The following DPY19L1 variants were observed in gnomAD, a reference collection of about 807,000 sequenced individuals.
DPY19L1 encodes protein C-mannosyl-transferase DPY19L1.
DPY19L1 carries 35 observed loss-of-function variants against 96.9 expected under a neutral mutation model. The observed-to-expected ratio is 0.36, with a 90% confidence interval of 0.28 to 0.48. The LOEUF (loss-of-function observed/expected upper bound fraction) is 0.48. Ranked by LOEUF, DPY19L1 falls within the 20% of genes least tolerant of loss-of-function variation. DPY19L1 has a pLI of 0.99. For missense variants in DPY19L1, 521 were observed against 777.9 expected, an observed-to-expected ratio of 0.67 and a Z score of 3.93; for synonymous variants, 205 against 252.6, an observed-to-expected ratio of 0.81 and a Z score of 1.79.
intron 7 of DPY19L1, among the ~76,000 whole-genome samples, chr7:34,983,908 C>T (rs1179853487): frequency 6.6e-6 from 1 of 152,062 alleles, no homozygotes; most frequent in Admixed American, 6.6e-5. Context: ...GGTTTACCAC[C>T]ATCAAACCAA....
intron 1 of DPY19L1, 135 bp downstream of exon 1, chr7:35,036,962 C>T: frequency 7.0e-6 from 1 of 143,646 alleles, no homozygotes; most frequent in African/African-American, 2.6e-5. Context: ...GGGCTGCAAA[C>T]TGGCTGGTCC....
intron 21 of DPY19L1, among the ~76,000 whole-genome samples, chr7:34,936,387 T>C (rs537080466): frequency 1.3e-4 from 20 of 152,284 alleles, no homozygotes; most frequent in African/African-American, 4.6e-4. Context: ...GAATATGAAC[T>C]CTCAAAGGCT....
intron 7 of DPY19L1, among the ~76,000 whole-genome samples, chr7:34,986,034 T>C (rs565586658): frequency 5.1e-4 from 77 of 151,984 alleles, no homozygotes; most frequent in Non-Finnish European, 1.0e-3. Flanking sequence ...AGAGATACTA[T>C]GCTAAGTGAA....
intron 10 of DPY19L1, among the ~76,000 whole-genome samples, chr7:34,962,587 T>G (rs1453669288): frequency 6.6e-6 from 1 of 152,092 alleles, no homozygotes; most frequent in East Asian, 1.9e-4. Context: ...ATCCTAGCAC[T>G]TTGGGAGGCC....
chr7:35,014,297 G>A (rs1785787009), intron 3 of DPY19L1, among the ~76,000 whole-genome samples: 3 of 152,146 alleles, frequency 2.0e-5, no homozygotes, highest in Admixed American at 2.0e-4. Context: ...CTGTGCGACT[G>A]GGGATAAGGG....
intron 10 of DPY19L1, among the ~76,000 whole-genome samples, chr7:34,959,510 T>C (rs190575512): frequency 7.2e-5 from 11 of 152,260 alleles, no homozygotes; most frequent in African/African-American, 2.6e-4. Context: ...GTGGCACATA[T>C]ACACCATGGA....
chr7:35,008,850 G>A (rs1442766395), intron 6 of DPY19L1, among the ~76,000 whole-genome samples: 2 of 152,186 alleles, frequency 1.3e-5, no homozygotes, highest in Non-Finnish European at 2.9e-5. Context: ...TCAGCAAAAT[G>A]AATAGACACC....
rs201704077 is a variant in DPY19L1, at chr7:35,030,086, AAAC to A, written c.298+7008_298+7010del. ...TGAGAAATAAGGTCTCATTTTCAAA[AAAC>A]AACAACAACTTTTTAAACTTAGCGG... On this transcript the variant is annotated intron_variant, in intron 1 of 21. Transcript: ENST00000638088. 3.2e-3 allele frequency among the ~76,000 whole-genome samples: 490 copies of A among 152,364 alleles called. 3 individuals carry two copies. The highest frequency in any genetic ancestry group is 0.011 in the African/African-American group (473 of 41,596).
chr7:34,994,890 A>C (rs1011124448), intron 6 of DPY19L1, among the ~76,000 whole-genome samples: 1 of 152,058 alleles, frequency 6.6e-6, no homozygotes, highest in African/African-American at 2.4e-5. Context: ...GTTGCCATAC[A>C]ACCTGGGAGG....
intron 6 of DPY19L1, among the ~76,000 whole-genome samples, chr7:34,993,404 ACT>A (rs1785214072): frequency 1.3e-5 from 2 of 151,210 alleles, no homozygotes; most frequent in Non-Finnish European, 2.9e-5. Flanking sequence ...ACAATGCTAG[ACT>A]CTGTTCTATT....
chr7:34,948,057 G>A (rs1054067013), intron 14 of DPY19L1, among the ~76,000 whole-genome samples: 3 of 151,858 alleles, frequency 2.0e-5, no homozygotes, highest in Non-Finnish European at 4.4e-5. Context: ...ATATTTTGTG[G>A]GGGATAAAAA....
At chr7:35,013,500 A>C in intron 4 of DPY19L1, 68 bp downstream of exon 4, 1 of 1,224,270 alleles carries the variant, frequency 8.2e-7, no homozygotes, top group East Asian at 2.4e-5. Flanking sequence ...TCTTAGATTT[A>C]GAATCAGCGT....
At chr7:35,026,962 C>T (rs1020073029) in intron 1 of DPY19L1, among the ~76,000 whole-genome samples, 9 of 151,988 alleles carry the variant, frequency 5.9e-5, no homozygotes, top group Admixed American at 2.6e-4. Context: ...TTTGGGAGGC[C>T]GAGGCAGGTG....
At chr7:34,964,983 C>A (rs1002059313) in intron 10 of DPY19L1, among the ~76,000 whole-genome samples, 2 of 152,250 alleles carry the variant, frequency 1.3e-5, no homozygotes, top group African/African-American at 2.4e-5. Flanking sequence ...TACCATTTTA[C>A]ACGAACCAGA....
intron 1 of DPY19L1, among the ~76,000 whole-genome samples, chr7:35,027,996 C>T (rs1193080257): frequency 6.6e-6 from 1 of 152,164 alleles, no homozygotes; most frequent in East Asian, 1.9e-4. Flanking sequence ...CAAAACTGTG[C>T]TTTCCAACAG....
intron 6 of DPY19L1, among the ~76,000 whole-genome samples, chr7:35,008,806 G>A (rs1785630809): frequency 6.6e-6 from 1 of 152,150 alleles, no homozygotes; most frequent in African/African-American, 2.4e-5. Flanking sequence ...TCTCCCAAAT[G>A]TAATAAAGCT....
At chr7:34,946,589 A>G (rs1160048265) in intron 15 of DPY19L1, among the ~76,000 whole-genome samples, 2 of 152,188 alleles carry the variant, frequency 1.3e-5, no homozygotes, top group African/African-American at 4.8e-5. Context: ...AAACCCACAT[A>G]AACTATACAA....
intron 1 of DPY19L1, among the ~76,000 whole-genome samples, chr7:35,024,747 A>G (rs1786082251): frequency 6.6e-6 from 1 of 152,220 alleles, no homozygotes; most frequent in Non-Finnish European, 1.5e-5. Flanking sequence ...CAAATGTGGC[A>G]TTTTGTATTG....
chr7:35,017,151 A>ATT (rs1785870284), intron 3 of DPY19L1, among the ~76,000 whole-genome samples: 7 of 152,096 alleles, frequency 4.6e-5, no homozygotes, highest in Admixed American at 4.6e-4. Context: ...AGAGACACTT[A>ATT]TGAAAGTATG....
Sources: allele counts gnomAD v4.1 joint callset (sites outside exome capture counted in the v4.1 genomes callset), GRCh38; gene constraint gnomAD v4.1.1; transcripts MANE v1.5; gene names NCBI Gene and HGNC (gene_info 2026-07-23, HGNC 2026-07-21).